CCDC181: variants seen among roughly 807,000 people sequenced by gnomAD.
CCDC181 encodes the protein coiled-coil domain-containing protein 181.
CCDC181 carries 35 observed loss-of-function variants against 58.7 expected under a neutral mutation model. That is an observed-to-expected ratio of 0.60 (90% CI 0.46 to 0.79). CCDC181 has a LOEUF of 0.79. Ranked by LOEUF, CCDC181 falls within the 30% of genes least tolerant of loss-of-function variation. The pLI, the probability that CCDC181 is intolerant of heterozygous loss-of-function variation, is 0.00. For synonymous variants in CCDC181, 183 were observed against 197.5 expected (o/e 0.93, Z 0.62); for missense variants, 517 against 583.9 (o/e 0.89, Z 1.18).
At chr1:169,415,746 C>T (rs1308745693) in intron 4 of CCDC181, among the ~76,000 whole-genome samples, 6 of 152,126 alleles carry the variant, frequency 3.9e-5, no homozygotes, top group Non-Finnish European at 8.8e-5. Context: ...ATGCCAGTCC[C>T]AAGGTATATT....
intron 1 of CCDC181, chr1:169,460,168 T>C (rs1657804826): frequency 6.6e-6 from 1 of 152,112 alleles, no homozygotes; most frequent in Admixed American, 6.6e-5. Flanking sequence ...AATAAACTAT[T>C]TCAGTGGGTG....
intron 2 of CCDC181, among the ~76,000 whole-genome samples, chr1:169,445,422 G>T (rs1571514818): frequency 6.6e-6 from 1 of 152,082 alleles, no homozygotes; most frequent in Non-Finnish European, 1.5e-5. Flanking sequence ...TCTTTAGCCT[G>T]TGGATGTCAT....
intron 2 of CCDC181, among the ~76,000 whole-genome samples, chr1:169,458,193 TG>T (rs66575325): frequency 0.35 from 47,918 of 138,178 alleles, 8,787 homozygotes; most frequent in Non-Finnish European, 0.45. Flanking sequence ...TTTTTTGTTT[TG>T]TTTTTTTTGC....
At chr1:169,440,130 T>C (rs1657173549) in intron 2 of CCDC181, among the ~76,000 whole-genome samples, 1 of 152,172 alleles carries the variant, frequency 6.6e-6, no homozygotes, top group Non-Finnish European at 1.5e-5. Context: ...TCTGGGGAAC[T>C]GCTCTCTTCT....
At chr1:169,440,946 G>T (rs1424980424) in intron 2 of CCDC181, among the ~76,000 whole-genome samples, 2 of 56,462 alleles carry the variant, frequency 3.5e-5, no homozygotes, top group Admixed American at 1.8e-4. Context: ...AAAAAAAAAA[G>T]GCAAGATGAG....
At position 169,451,768 on chromosome 1, in the gene CCDC181, A is replaced by T. The variant is rs187837298; in HGVS notation, c.-24+8029T>A. ...AAAGATGACATGAAAATTGTAGAGA[A>T]ATTTTGTCAAGATAATGTGCTAATA... On this transcript the variant is annotated intron_variant, in intron 2 of 6. Transcript: ENST00000545005. Among the ~76,000 whole-genome samples the T allele has an allele frequency of 8.5e-4, 130 of 152,242 alleles. 1 individual carries two copies. Among genetic ancestry groups the T allele is most frequent in the Non-Finnish European group, 1.5e-3 (99 of 67,990 alleles).
At chr1:169,418,488 CT>C (rs1330488727) in intron 4 of CCDC181, among the ~76,000 whole-genome samples, 1 of 150,994 alleles carries the variant, frequency 6.6e-6, no homozygotes, top group Non-Finnish European at 1.5e-5. Flanking sequence ...GTTAAATTTT[CT>C]TTTTTTCTTT....
chr1:169,395,320 G>A lies in CCDC181; in HGVS notation c.1371-114C>T, dbSNP rs1363760297. 3.3e-6 allele frequency: 3 copies of A among 900,020 alleles called. No individual in the cohort carries two copies. In the East Asian group the frequency reaches 8.8e-5, roughly 26 times the overall value. The allele number at this position is 900,020 out of a possible 1,614,324, so 55.8% of individuals were successfully genotyped here. ...GGACATTTCTTTACAATGAAATACT[G>A]TCACAGCACAAATTTTTAAGTATTA... On this transcript the variant is annotated intron_variant, in intron 5 of 5. Transcript: ENST00000367806.
chr1:169,429,518 G>A (rs1257531187), upstream of CCDC181, among the ~76,000 whole-genome samples: 2 of 151,964 alleles, frequency 1.3e-5, no homozygotes, highest in South Asian at 2.1e-4. Flanking sequence ...AGGTGGTATC[G>A]TATTGAGGTT....
At chr1:169,401,546 A>G (rs1655348699) in intron 4 of CCDC181, among the ~76,000 whole-genome samples, 1 of 152,196 alleles carries the variant, frequency 6.6e-6, no homozygotes, top group African/African-American at 2.4e-5. Flanking sequence ...CAGGGTCTGG[A>G]GTGGACCTCC....
intron 2 of CCDC181, among the ~76,000 whole-genome samples, chr1:169,440,931 T>TAAAAAAAAAAAAAACAAAAAAAAAA (rs72040890): frequency 1.3e-5 from 1 of 76,904 alleles, no homozygotes; most frequent in East Asian, 2.2e-4. Flanking sequence ...CAAGACTGTC[T>TAAAAAAAAAAAAAACAAAAAAAAAA]AAAAAAAAAA....
rs779354919 is a variant in CCDC181, at chr1:169,419,121, CTT to C, written c.1105_1106del (p.Lys369GlufsTer4). 2.5e-6 allele frequency: 4 copies of C among 1,608,228 alleles called. No individual in the cohort carries two copies. Among genetic ancestry groups the C allele is most frequent in the South Asian group, 1.1e-5 (1 of 89,324 alleles). Reference protein sequence around the residue: ...RRKIEEEKEKKRENDIVFKAW... With the variant: ...RRKIEEEKEKXRENDIVFKAW... ...CTTTAAATACTATGTCATTCTCTCT[CTT>C]TTTTTCTTTCTCTTCTTCTATTTTT... On this transcript the variant is annotated frameshift_variant, in exon 4 of 6. Coordinates refer to ENST00000367806, the MANE Select transcript of CCDC181 (RefSeq NM_001300969.2). LOFTEE classifies it high-confidence loss of function.
chr1:169,418,711 G>T (rs1656323214), intron 4 of CCDC181: 5 of 360,006 alleles, frequency 1.4e-5, no homozygotes, highest in Non-Finnish European at 2.0e-5. Context: ...GGGTTTTGTG[G>T]GGGGGTGTGT....
At chr1:169,458,412 T>C (rs543942496) in intron 2 of CCDC181, among the ~76,000 whole-genome samples, 1 of 152,134 alleles carries the variant, frequency 6.6e-6, no homozygotes, top group Non-Finnish European at 1.5e-5. Context: ...CATTTCTGTT[T>C]TTTTAAATGT....
intron 2 of CCDC181, among the ~76,000 whole-genome samples, chr1:169,449,992 A>G (rs541172835): frequency 6.6e-6 from 1 of 152,326 alleles, no homozygotes; most frequent in South Asian, 2.1e-4. Context: ...CAGCTCCTTC[A>G]GCTATAATTC....
intron 2 of CCDC181, among the ~76,000 whole-genome samples, chr1:169,441,209 A>G (rs1032146761): frequency 6.6e-6 from 1 of 152,194 alleles, no homozygotes; most frequent in Admixed American, 6.5e-5. Flanking sequence ...TTGAGTTCAC[A>G]TTACTGAACT....
chr1:169,408,081 C>G (rs560221129), intron 4 of CCDC181, among the ~76,000 whole-genome samples: 1 of 152,304 alleles, frequency 6.6e-6, no homozygotes, highest in East Asian at 1.9e-4. Flanking sequence ...CATTCACTCC[C>G]CTGGAAAGGG....
At position 169,421,461 on chromosome 1, in the gene CCDC181, C is replaced by G; in HGVS notation, c.970G>C (p.Ala324Pro). The G allele has an allele frequency of 6.2e-7, 1 of 1,614,006 alleles. No homozygotes were observed. The highest frequency in any genetic ancestry group is 8.5e-7 in the Non-Finnish European group (1 of 1,179,982). The change falls in exon 3 of 6, where the codon GCA becomes CCA. Residue 324 changes from alanine (A) to proline (P), a missense_variant. Ala to Pro is a conservative substitution (Grantham distance 27, BLOSUM62 -1). Coordinates refer to ENST00000367806, the MANE Select transcript of CCDC181 (RefSeq NM_001300969.2). ...NGKSNHRTQSAHISPVTSTYC... is the reference protein window; with the variant it reads ...NGKSNHRTQSPHISPVTSTYC... ...GTTGAAGTCACTGGTGAGATATGTGCAGACTGTGTCCTGTGATTAGATTTC... is the reference window on the plus strand; with the variant it reads ...GTTGAAGTCACTGGTGAGATATGTGGAGACTGTGTCCTGTGATTAGATTTC...
At chr1:169,415,731 T>A (rs1380031260) in intron 4 of CCDC181, among the ~76,000 whole-genome samples, 2 of 152,098 alleles carry the variant, frequency 1.3e-5, no homozygotes, top group African/African-American at 4.8e-5. Context: ...TCAATATTCC[T>A]CTCCATGCCA....
Sources: gnomAD v4.1 joint callset for allele counts (sites outside exome capture counted in the v4.1 genomes callset) on GRCh38, gnomAD v4.1.1 for gene constraint, MANE v1.5 for transcripts, NCBI Gene and HGNC (gene_info 2026-07-23, HGNC 2026-07-21) for gene names.